The following NCOA2 variants were observed in gnomAD, a reference collection of about 807,000 sequenced individuals.
The protein encoded by NCOA2 is class E basic helix-loop-helix protein 75.
Under a neutral mutation model 145.1 loss-of-function variants are expected in NCOA2, and 21 were observed. The observed-to-expected ratio is 0.14, with a 90% CI of 0.10 to 0.21. The LOEUF is 0.21. NCOA2 is among the 10% of genes least tolerant of loss of function. NCOA2 has a pLI of 1.00. For synonymous variants in NCOA2, 619 were observed against 637.5 expected, an observed-to-expected ratio of 0.97 and a Z score of 0.44; for missense variants, 1,472 against 1,837.6, an observed-to-expected ratio of 0.80 and a Z score of 3.64.
chr8:70,204,170 G>A (rs1247605781), intron 4 of NCOA2, among the ~76,000 whole-genome samples: 1 of 152,080 alleles, frequency 6.6e-6, no homozygotes, highest in Non-Finnish European at 1.5e-5. Flanking sequence ...ACCATGCCAG[G>A]CTAATTTTTG....
At chr8:70,282,238 G>T (rs189851079) in intron 2 of NCOA2, among the ~76,000 whole-genome samples, 2 of 152,106 alleles carry the variant, frequency 1.3e-5, no homozygotes, top group African/African-American at 4.8e-5. Context: ...TATCCAACTA[G>T]ATGTATACAG....
At chr8:70,340,301 A>G (rs1016619210) in intron 1 of NCOA2, among the ~76,000 whole-genome samples, 8 of 152,234 alleles carry the variant, frequency 5.3e-5, no homozygotes, top group South Asian at 2.1e-4. Context: ...AGCACTTCTT[A>G]AAAGAAGATA....
At chr8:70,175,935 T>C (rs1460812934) in intron 4 of NCOA2, among the ~76,000 whole-genome samples, 9 of 152,078 alleles carry the variant, frequency 5.9e-5, no homozygotes, top group Non-Finnish European at 1.2e-4. Context: ...AATTTATGGC[T>C]GAGAACCTAG....
At chr8:70,220,115 A>C (rs4236983) in intron 2 of NCOA2, among the ~76,000 whole-genome samples, 8,361 of 152,284 alleles carry the variant, frequency 0.055, 295 homozygotes, top group East Asian at 0.16. Context: ...GATCGAAGTT[A>C]AAAAATTCAT....
At chr8:70,204,659 T>A (rs1473198530) in intron 4 of NCOA2, among the ~76,000 whole-genome samples, 3 of 152,110 alleles carry the variant, frequency 2.0e-5, no homozygotes, top group Admixed American at 1.3e-4. Context: ...CCAACAAATA[T>A]TTATTTTACA....
chr8:70,259,785 T>C (rs1348586046), intron 2 of NCOA2, among the ~76,000 whole-genome samples: 2 of 152,234 alleles, frequency 1.3e-5, no homozygotes, highest in African/African-American at 2.4e-5. Flanking sequence ...TCAATCCTTA[T>C]ACTAAATGTT....
At chr8:70,328,183 C>A (rs980106934) in intron 1 of NCOA2, among the ~76,000 whole-genome samples, 3 of 152,292 alleles carry the variant, frequency 2.0e-5, no homozygotes, top group Non-Finnish European at 4.4e-5. Flanking sequence ...ACTTGGAAAA[C>A]CAAGAACTAA....
At chr8:70,357,325 T>G (rs1257289970) in intron 1 of NCOA2, 1 of 152,126 alleles carries the variant, frequency 6.6e-6, no homozygotes, top group African/African-American at 2.4e-5. Context: ...TTTTTTTTTT[T>G]ACACTGAAAA....
intron 1 of NCOA2, among the ~76,000 whole-genome samples, chr8:70,394,002 G>C (rs1236582319): frequency 6.6e-6 from 1 of 152,140 alleles, no homozygotes; most frequent in African/African-American, 2.4e-5. Flanking sequence ...CATTCTATTA[G>C]GATCGTTAAT....
intron 2 of NCOA2, among the ~76,000 whole-genome samples, chr8:70,283,511 C>T (rs1826031193): frequency 6.6e-6 from 1 of 152,188 alleles, no homozygotes; most frequent in Admixed American, 6.5e-5. Context: ...CTCACTGACT[C>T]TTATGCATGT....
At chr8:70,317,031 G>A (rs1413197345) in intron 1 of NCOA2, among the ~76,000 whole-genome samples, 2 of 152,160 alleles carry the variant, frequency 1.3e-5, no homozygotes, top group African/African-American at 2.4e-5. Context: ...TTTGAACTCA[G>A]GGTTAGTTTG....
At chr8:70,200,843 A>AG (rs779278765) in intron 4 of NCOA2, among the ~76,000 whole-genome samples, 1 of 152,074 alleles carries the variant, frequency 6.6e-6, no homozygotes, top group Non-Finnish European at 1.5e-5. Context: ...GGACTGCTTC[A>AG]GCTCAGGAGT....
chr8:70,240,289 A>C (rs1822014753), intron 2 of NCOA2, among the ~76,000 whole-genome samples: 2 of 152,216 alleles, frequency 1.3e-5, no homozygotes, highest in African/African-American at 4.8e-5. Context: ...AGTTTGAATG[A>C]AAATTAAATG....
chr8:70,199,254 C>G (rs542291652), intron 4 of NCOA2, among the ~76,000 whole-genome samples: 1 of 151,946 alleles, frequency 6.6e-6, no homozygotes, highest in South Asian at 2.1e-4. Context: ...TCGAGGCCAG[C>G]CTGGCCAACA....
chr8:70,204,023 T>A (rs905926297), intron 4 of NCOA2, among the ~76,000 whole-genome samples: 2 of 152,212 alleles, frequency 1.3e-5, no homozygotes, highest in African/African-American at 4.8e-5. Context: ...GATTCTTTTT[T>A]TTTTTTAAGA....
intron 10 of NCOA2, among the ~76,000 whole-genome samples, chr8:70,159,222 T>TTTTATATATATATA (rs1554578437): frequency 2.9e-4 from 13 of 44,490 alleles, no homozygotes; most frequent in East Asian, 1.9e-3. Context: ...CAGTATAACA[T>TTTTATATATATATA]TATATATATA....
chr8:70,413,268 C>T, the NCOA2 span, among the ~76,000 whole-genome samples: 2 of 152,124 alleles, frequency 1.3e-5, no homozygotes, highest in Non-Finnish European at 2.9e-5. Context: ...TAAATGCATT[C>T]ACCTTGCTGT....
At chr8:70,381,071 C>CAA (rs879538664) in intron 1 of NCOA2, among the ~76,000 whole-genome samples, 1 of 102,880 alleles carries the variant, frequency 9.7e-6, no homozygotes, top group African/African-American at 3.7e-5. Context: ...GACACTGTCT[C>CAA]AAAAAAAAAA....
At chr8:70,204,846 G>T (rs1818266254) in intron 4 of NCOA2, among the ~76,000 whole-genome samples, 1 of 152,046 alleles carries the variant, frequency 6.6e-6, no homozygotes, top group South Asian at 2.1e-4. Context: ...ACAAAAATTA[G>T]CCAGGCATGG....
Sources: allele counts gnomAD v4.1 joint callset (sites outside exome capture counted in the v4.1 genomes callset), GRCh38; gene constraint gnomAD v4.1.1; transcripts MANE v1.5; gene names NCBI Gene and HGNC (gene_info 2026-07-23, HGNC 2026-07-21).